MNAT1: variants seen among roughly 807,000 people sequenced by gnomAD.
MNAT1 encodes CDK-activating kinase assembly factor MAT1.
A neutral mutation model predicts 42.0 loss-of-function variants in MNAT1; 43 were observed. That is an observed-to-expected ratio of 1.02 (90% CI 0.80 to 1.32). The LOEUF is 1.32. Ranked by LOEUF, MNAT1 falls within the 40% of genes most tolerant of loss-of-function variation. The pLI is 0.00. For synonymous variants in MNAT1, 118 were observed against 120.0 expected (o/e 0.98, Z 0.11); for missense variants, 306 against 350.4 (o/e 0.87, Z 1.01).
At chr14:60,902,327 A>G (rs1249269081) in intron 7 of MNAT1, among the ~76,000 whole-genome samples, 4 of 152,156 alleles carry the variant, frequency 2.6e-5, no homozygotes, top group Non-Finnish European at 5.9e-5. Flanking sequence ...TCCTATTTAT[A>G]CCCAAGGACT....
chr14:60,780,486 C>T (rs1288672207), intron 1 of MNAT1: 11 of 1,516,288 alleles, frequency 7.3e-6, no homozygotes, highest in East Asian at 2.2e-5. Flanking sequence ...TGGGAAGAGT[C>T]GGGACCACAG....
At chr14:60,963,397 A>G (rs2036630977) in intron 7 of MNAT1, among the ~76,000 whole-genome samples, 2 of 152,198 alleles carry the variant, frequency 1.3e-5, no homozygotes, top group African/African-American at 2.4e-5. Context: ...CAGTTTGTCT[A>G]TTATTCTGGT....
At chr14:60,758,324 G>C (rs528581103) in intron 1 of MNAT1, among the ~76,000 whole-genome samples, 2 of 151,738 alleles carry the variant, frequency 1.3e-5, no homozygotes, top group South Asian at 2.1e-4. Context: ...TCTCATGTCA[G>C]CCTCCTCAGT....
At chr14:60,812,877 A>G (rs1217355417) in intron 5 of MNAT1, among the ~76,000 whole-genome samples, 2 of 152,126 alleles carry the variant, frequency 1.3e-5, no homozygotes, top group Non-Finnish European at 2.9e-5. Flanking sequence ...CACCTTCGCC[A>G]TCTTTTAACC....
chr14:60,828,743 C>G (rs1459352308), intron 6 of MNAT1, among the ~76,000 whole-genome samples: 1 of 152,174 alleles, frequency 6.6e-6, no homozygotes, highest in Non-Finnish European at 1.5e-5. Context: ...GTACTGTTGA[C>G]TAACTGGCTA....
intron 6 of MNAT1, among the ~76,000 whole-genome samples, chr14:60,848,559 A>G (rs1167526810): frequency 1.3e-5 from 2 of 152,148 alleles, no homozygotes; most frequent in Non-Finnish European, 2.9e-5. Flanking sequence ...CTGAGGAATG[A>G]CTACTTAAGC....
intron 7 of MNAT1, among the ~76,000 whole-genome samples, chr14:60,964,122 T>G (rs768042762): frequency 1.3e-5 from 2 of 152,218 alleles, no homozygotes; most frequent in Non-Finnish European, 2.9e-5. Context: ...ACTGAAGTCT[T>G]TCTGAAGCTA....
At chr14:60,917,403 T>A (rs2035545110) in intron 7 of MNAT1, among the ~76,000 whole-genome samples, 1 of 152,210 alleles carries the variant, frequency 6.6e-6, no homozygotes, top group South Asian at 2.1e-4. Flanking sequence ...AAAACAATTT[T>A]ATTAGAAAAT....
chr14:60,904,767 AT>A (rs1201234531), intron 7 of MNAT1, among the ~76,000 whole-genome samples: 2 of 152,110 alleles, frequency 1.3e-5, no homozygotes, highest in African/African-American at 4.8e-5. Flanking sequence ...AAAAAAGTAA[AT>A]TATTACAATA....
At chr14:60,836,391 T>C (rs2033390160) in intron 6 of MNAT1, among the ~76,000 whole-genome samples, 1 of 152,234 alleles carries the variant, frequency 6.6e-6, no homozygotes, top group Non-Finnish European at 1.5e-5. Context: ...CTTTGGTCTT[T>C]GACGTTGGTG....
chr14:60,896,419 G>A (rs1460018316), intron 7 of MNAT1, among the ~76,000 whole-genome samples: 1 of 152,040 alleles, frequency 6.6e-6, no homozygotes, highest in African/African-American at 2.4e-5. Flanking sequence ...TCCCTTAATT[G>A]ATACAAATCA....
intron 1 of MNAT1, among the ~76,000 whole-genome samples, chr14:60,761,163 A>C (rs1020412434): frequency 6.6e-6 from 1 of 152,190 alleles, no homozygotes; most frequent in Non-Finnish European, 1.5e-5. Context: ...AGCAACGTGT[A>C]CTGGCTTGTG....
At chr14:60,916,135 C>T (rs1052512112) in intron 7 of MNAT1, among the ~76,000 whole-genome samples, 2 of 152,188 alleles carry the variant, frequency 1.3e-5, no homozygotes, top group Non-Finnish European at 1.5e-5. Context: ...GATGTTGGCT[C>T]TATCACTTCC....
At chr14:60,882,742 C>T (rs1219949493) in intron 7 of MNAT1, among the ~76,000 whole-genome samples, 4 of 152,020 alleles carry the variant, frequency 2.6e-5, no homozygotes, top group East Asian at 1.9e-4. Flanking sequence ...CTCCAGTACT[C>T]GTTACTGCTT....
chr14:60,759,569 G>A (rs550799219), intron 1 of MNAT1, among the ~76,000 whole-genome samples: 22 of 152,306 alleles, frequency 1.4e-4, no homozygotes, highest in African/African-American at 5.1e-4. Context: ...TCATTAACAT[G>A]AGATGCATTC....
intron 1 of MNAT1, among the ~76,000 whole-genome samples, chr14:60,757,871 G>C (rs998929764): frequency 2.0e-5 from 3 of 152,134 alleles, no homozygotes; most frequent in Non-Finnish European, 4.4e-5. Flanking sequence ...ACAAGGAGTT[G>C]ATGATGCAAA....
At chr14:60,936,494 C>G (rs369521818) in intron 7 of MNAT1, among the ~76,000 whole-genome samples, 28 of 149,630 alleles carry the variant, frequency 1.9e-4, no homozygotes, top group East Asian at 1.0e-3. Context: ...TTTGTCCTTG[C>G]GATAGTTTGC....
At chr14:60,888,579 T>A (rs2034746039) in intron 7 of MNAT1, among the ~76,000 whole-genome samples, 1 of 151,336 alleles carries the variant, frequency 6.6e-6, no homozygotes, top group African/African-American at 2.4e-5. Context: ...TTCAACATAG[T>A]GTTGGAAGTT....
chr14:60,903,912 G>A (rs903986059), intron 7 of MNAT1, among the ~76,000 whole-genome samples: 58 of 130,476 alleles, frequency 4.4e-4, no homozygotes, highest in African/African-American at 1.4e-3. Flanking sequence ...TCTCTCTGTC[G>A]CCTGGCTGGA....
Sources: gnomAD v4.1 joint callset for allele counts (sites outside exome capture counted in the v4.1 genomes callset) on GRCh38, gnomAD v4.1.1 for gene constraint, MANE v1.5 for transcripts, NCBI Gene and HGNC (gene_info 2026-07-23, HGNC 2026-07-21) for gene names.